Variants in TMEM182 observed in about 807,000 individuals in gnomAD.
The protein encoded by TMEM182 is transmembrane protein 182.
In TMEM182, 20 loss-of-function variants were observed where a neutral mutation model predicts 26.8. The observed-to-expected ratio is 0.75, with a 90% CI of 0.53 to 1.09. The LOEUF is 1.09. TMEM182 is among the 50% of genes least tolerant of loss of function. The probability of loss-of-function intolerance (pLI) is 0.00; values close to 1 mark genes in which losing one functional copy is unlikely to be tolerated. For missense variants in TMEM182, 277 were observed against 275.5 expected, an observed-to-expected ratio of 1.01 and a Z score of -0.04; for synonymous variants, 109 against 102.2, an observed-to-expected ratio of 1.07 and a Z score of -0.40.
intron 2 of TMEM182, among the ~76,000 whole-genome samples, chr2:102,763,836 A>T (rs1169636059): frequency 1.3e-5 from 2 of 152,216 alleles, no homozygotes; most frequent in Non-Finnish European, 2.9e-5. Context: ...TGATGTTTTC[A>T]AATATTAAAA....
chr2:102,805,975 G>A (rs1682329866), intron 4 of TMEM182, among the ~76,000 whole-genome samples: 1 of 152,140 alleles, frequency 6.6e-6, no homozygotes, highest in African/African-American at 2.4e-5. Context: ...AAGGCAGACT[G>A]AATTTCCATA....
intron 3 of TMEM182, among the ~76,000 whole-genome samples, chr2:102,825,304 T>C (rs1208373619): frequency 6.6e-6 from 1 of 152,178 alleles, no homozygotes; most frequent in Non-Finnish European, 1.5e-5. Context: ...AAGGAAGAAA[T>C]AACTTTTACC....
rs200283037 is a variant in TMEM182 at position 102,762,599 on chromosome 2, A to G, written c.145A>G (p.Thr49Ala). ...TTGTTCTGTGCAGATAGAGAACGTC[A>G]CTTTTCACCATGAAGGGTTCTTCTG... ...CSGEKNIENV[T>A]FHHEGFFWRC... Residue 49 changes from threonine to alanine, a missense_variant, in exon 2 of 5, where the codon ACT (threonine) becomes GCT (alanine). Thr to Ala is a moderately conservative substitution (Grantham distance 58). Coordinates refer to ENST00000412401, the MANE Select transcript of TMEM182 (RefSeq NM_144632.5). 2.8e-4 allele frequency: 447 copies of G among 1,613,732 alleles called. 5 individuals are homozygous for G. In the South Asian group the frequency reaches 3.1e-3, roughly 11 times the overall value.
chr2:102,742,803 A>T (rs2104628625), intron 1 of TMEM182, among the ~76,000 whole-genome samples: 1 of 152,308 alleles, frequency 6.6e-6, no homozygotes. Flanking sequence ...ACCTAGAATA[A>T]TTTTATATCC....
intron 3 of TMEM182, among the ~76,000 whole-genome samples, chr2:102,822,913 AAAG>A (rs759807725): frequency 1.3e-5 from 2 of 152,144 alleles, no homozygotes; most frequent in African/African-American, 4.8e-5. Flanking sequence ...AAGAAAGAAG[AAAG>A]AAGAAGAACC....
At chr2:102,782,630 C>T (rs898988063) in intron 3 of TMEM182, among the ~76,000 whole-genome samples, 1 of 152,128 alleles carries the variant, frequency 6.6e-6, no homozygotes, top group Non-Finnish European at 1.5e-5. Flanking sequence ...AGTTAGGTCT[C>T]TCACCCAAAG....
At chr2:102,826,154 A>T (rs1324896438) in intron 3 of TMEM182, among the ~76,000 whole-genome samples, 1 of 152,104 alleles carries the variant, frequency 6.6e-6, no homozygotes, top group Non-Finnish European at 1.5e-5. Flanking sequence ...CACAACATTT[A>T]TGAGGGCATC....
chr2:102,754,407 G>A (rs1679972726), intron 1 of TMEM182, among the ~76,000 whole-genome samples: 1 of 152,098 alleles, frequency 6.6e-6, no homozygotes, highest in African/African-American at 2.4e-5. Context: ...CAAAAGCTTT[G>A]GGTTTTCAGA....
At chr2:102,839,333 G>T (rs767327310) in intron 3 of TMEM182, among the ~76,000 whole-genome samples, 2 of 151,636 alleles carry the variant, frequency 1.3e-5, no homozygotes, top group African/African-American at 4.8e-5. Flanking sequence ...GCTGATTTCC[G>T]ATTTCTTTGC....
At chr2:102,830,120 T>C (rs915885732) in intron 3 of TMEM182, among the ~76,000 whole-genome samples, 1 of 152,234 alleles carries the variant, frequency 6.6e-6, no homozygotes, top group Non-Finnish European at 1.5e-5. Flanking sequence ...TGATTTCTCA[T>C]TGGCCTGCCA....
chr2:102,740,654 C>T (rs1679515767), intron 1 of TMEM182, among the ~76,000 whole-genome samples: 1 of 152,098 alleles, frequency 6.6e-6, no homozygotes, highest in African/African-American at 2.4e-5. Context: ...TTAGGAATGT[C>T]TTAAAAAGTT....
intron 1 of TMEM182, among the ~76,000 whole-genome samples, chr2:102,750,005 C>T (rs991250459): frequency 2.7e-5 from 4 of 150,540 alleles, no homozygotes; most frequent in South Asian, 4.2e-4. Flanking sequence ...TTCTATCTGG[C>T]GATCATATTA....
intron 3 of TMEM182, among the ~76,000 whole-genome samples, chr2:102,778,251 A>T (rs901321780): frequency 4.6e-5 from 7 of 151,972 alleles, no homozygotes; most frequent in African/African-American, 1.4e-4. Context: ...GCTTTTTATC[A>T]ATATGTGATG....
intron 3 of TMEM182, among the ~76,000 whole-genome samples, chr2:102,791,187 C>T (rs1486400616): frequency 2.6e-5 from 4 of 152,176 alleles, no homozygotes; most frequent in Admixed American, 1.3e-4. Flanking sequence ...CTGCCTGCCT[C>T]GGCCTCCCAA....
intron 1 of TMEM182, among the ~76,000 whole-genome samples, chr2:102,744,291 C>G (rs114422586): frequency 1.3e-5 from 2 of 152,060 alleles, no homozygotes; most frequent in Admixed American, 1.3e-4. Context: ...TTAAACAATA[C>G]GCTTATAAAT....
chr2:102,771,253 T>C (rs1680656890), intron 3 of TMEM182, among the ~76,000 whole-genome samples: 1 of 152,224 alleles, frequency 6.6e-6, no homozygotes, highest in African/African-American at 2.4e-5. Flanking sequence ...TTTGCTGGTA[T>C]TCGTTCAGAC....
chr2:102,749,184 A>G (rs1263578131), intron 1 of TMEM182, among the ~76,000 whole-genome samples: 2 of 152,160 alleles, frequency 1.3e-5, no homozygotes, highest in Non-Finnish European at 2.9e-5. Context: ...CTTTAAAAAT[A>G]TAATATTATT....
intron 3 of TMEM182, among the ~76,000 whole-genome samples, chr2:102,782,318 C>T (rs1393058920): frequency 6.6e-6 from 1 of 151,700 alleles, no homozygotes; most frequent in African/African-American, 2.4e-5. Context: ...AAGAGTAAAA[C>T]TCCATAAAAA....
chr2:102,761,381 A>C (rs1206383574), upstream of TMEM182, among the ~76,000 whole-genome samples: 3 of 152,252 alleles, frequency 2.0e-5, no homozygotes, highest in Non-Finnish European at 4.4e-5. Flanking sequence ...GACTTTTTTC[A>C]TCAGTCCACT....
Sources: allele counts gnomAD v4.1 joint callset (sites outside exome capture counted in the v4.1 genomes callset), GRCh38; gene constraint gnomAD v4.1.1; transcripts MANE v1.5; gene names NCBI Gene and HGNC (gene_info 2026-07-23, HGNC 2026-07-21).